The following H4C15 variants were observed in gnomAD, a reference collection of about 807,000 sequenced individuals.
H4C15 encodes H4 clustered histone 15.
At chr1:149,846,427 T>C in the H4C15 span, 9 of 152,254 alleles carry the variant, frequency 5.9e-5, no homozygotes, top group Admixed American at 2.0e-4. Flanking sequence ...AGTAAAATTC[T>C]ATCAATTTAC....
downstream of H4C15, among the ~76,000 whole-genome samples, chr1:149,850,033 A>C (rs1206239671): frequency 6.6e-6 from 1 of 152,262 alleles, no homozygotes; most frequent in African/African-American, 2.4e-5. Flanking sequence ...TCAACAGGAA[A>C]CAATCTCCTG....
chr1:149,845,418 ATGGAG>A, the H4C15 span: 13 of 152,240 alleles, frequency 8.5e-5, no homozygotes, highest in African/African-American at 3.1e-4. Flanking sequence ...AAAGCAGAAC[ATGGAG>A]TGGAGTAGGG....
At chr1:149,847,510 T>C in the H4C15 span, 3 of 152,262 alleles carry the variant, frequency 2.0e-5, no homozygotes, top group African/African-American at 7.2e-5. Flanking sequence ...GATACCCTTA[T>C]AAGAAGACAT....
downstream of H4C15, chr1:149,850,056 C>T (rs1296606475): frequency 1.8e-5 from 7 of 397,564 alleles, no homozygotes; most frequent in Non-Finnish European, 1.4e-5. Flanking sequence ...CACATATTCA[C>T]GGGTACGTAA....
chr1:149,846,289 A>G, the H4C15 span: 1 of 152,226 alleles, frequency 6.6e-6, no homozygotes, highest in Non-Finnish European at 1.5e-5. Flanking sequence ...AGACTTGTGC[A>G]ATCACAAAAG....
chr1:149,848,908 A>G, the H4C15 span: 2 of 152,248 alleles, frequency 1.3e-5, no homozygotes, highest in Non-Finnish European at 2.9e-5. Flanking sequence ...GTTCACAGGT[A>G]GACCCTAAAG....
chr1:149,858,653 G>A (rs1379984297), downstream of H4C15, among the ~76,000 whole-genome samples: 13 of 73,304 alleles, frequency 1.8e-4, no homozygotes, highest in African/African-American at 4.8e-4. Flanking sequence ...GGAAGGAAGG[G>A]AGGGAGGGAG....
downstream of H4C15, chr1:149,850,800 C>A (rs1216088864): frequency 0.39 from 42,531 of 108,624 alleles, 3 homozygotes; most frequent in Admixed American, 0.45. Flanking sequence ...GACACCGACC[C>A]CCGAGAACGC....
chr1:149,845,951 G>A, the H4C15 span: 4 of 152,172 alleles, frequency 2.6e-5, no homozygotes, highest in Admixed American at 6.5e-5. Flanking sequence ...TGAACAAAAT[G>A]TTGAAGACTC....
chr1:149,855,819 AGGGTCTCACTCGTCCAGGCTG>A (rs1301510978), downstream of H4C15, among the ~76,000 whole-genome samples: 1 of 16,820 alleles, frequency 5.9e-5, no homozygotes, highest in Non-Finnish European at 1.1e-4. Context: ...AAAGAGAAAC[AGGGTCTCACTCGTCCAGGCTG>A]GAGTGCAGTA....
the H4C15 span, chr1:149,845,620 G>A: frequency 2.0e-5 from 3 of 152,254 alleles, no homozygotes; most frequent in South Asian, 2.1e-4. Context: ...AGTGACCAAG[G>A]GAAAGTTTTA....
At chr1:149,846,498 G>A in the H4C15 span, 1 of 152,052 alleles carries the variant, frequency 6.6e-6, no homozygotes, top group African/African-American at 2.4e-5. Flanking sequence ...TAATGTCTTT[G>A]ATTACAATTT....
the H4C15 span, chr1:149,847,477 G>GT: frequency 6.6e-6 from 1 of 152,176 alleles, no homozygotes; most frequent in East Asian, 1.9e-4. Context: ...GGTCTTTAGG[G>GT]TGGGCCCTAA....
chr1:149,855,422 T>TGTGTG (rs2092182213), downstream of H4C15, among the ~76,000 whole-genome samples: 1 of 144,808 alleles, frequency 6.9e-6, no homozygotes, highest in South Asian at 2.2e-4. Context: ...TGTGTGTGTG[T>TGTGTG]GTTTAGAGGG....
the H4C15 span, chr1:149,848,271 G>C: frequency 3.7e-4 from 57 of 152,206 alleles, no homozygotes; most frequent in African/African-American, 1.4e-3. Flanking sequence ...TTTCATGAAA[G>C]GTCTTTCCTT....
chr1:149,844,867 A>G, the H4C15 span: 2 of 152,254 alleles, frequency 1.3e-5, no homozygotes, highest in East Asian at 3.9e-4. Flanking sequence ...GCTTTTACAC[A>G]TACCTTATAT....
At chr1:149,858,759 C>A (rs2092193004), downstream of H4C15, among the ~76,000 whole-genome samples, 1 of 48,632 alleles carries the variant, frequency 2.1e-5, no homozygotes, top group Non-Finnish European at 3.8e-5. Context: ...ATCGGGAGGG[C>A]TTTTTTAAAG....
chr1:149,845,386 A>T, the H4C15 span: 1 of 152,262 alleles, frequency 6.6e-6, no homozygotes, highest in South Asian at 2.1e-4. Flanking sequence ...TCAGGGGGCC[A>T]TATGTGCAAT....
downstream of H4C15, among the ~76,000 whole-genome samples, chr1:149,855,423 G>GTA (rs1559768091): frequency 7.1e-6 from 1 of 141,588 alleles, no homozygotes; most frequent in African/African-American, 2.6e-5. Context: ...GTGTGTGTGT[G>GTA]TTTAGAGGGA....
Sources: gnomAD v4.1 joint callset for allele counts (sites outside exome capture counted in the v4.1 genomes callset) on GRCh38, gnomAD v4.1.1 for gene constraint, MANE v1.5 for transcripts, NCBI Gene and HGNC (gene_info 2026-07-23, HGNC 2026-07-21) for gene names.